KHDRBS2: variants seen among roughly 807,000 people sequenced by gnomAD.
KHDRBS2 encodes the protein KH RNA binding domain containing, signal transduction associated 2, also known as KH domain-containing, RNA-binding, signal transduction-associated protein 2.
In KHDRBS2, 26 loss-of-function variants were observed where a neutral mutation model predicts 44.3. The ratio of observed to expected loss-of-function variants is 0.59; its 90% confidence interval spans 0.43 to 0.81. The LOEUF is 0.81. Ranked by LOEUF, KHDRBS2 falls within the 40% of genes least tolerant of loss-of-function variation. The pLI is 0.00. For synonymous variants in KHDRBS2, 194 were observed against 151.1 expected, an observed-to-expected ratio of 1.28 and a Z score of -2.08; for missense variants, 476 against 433.1, an observed-to-expected ratio of 1.10 and a Z score of -0.88.
At chr6:62,127,004 A>C (rs1040258175) in intron 2 of KHDRBS2, among the ~76,000 whole-genome samples, 1 of 152,180 alleles carries the variant, frequency 6.6e-6, no homozygotes, top group Non-Finnish European at 1.5e-5. Context: ...TAAGTTATTA[A>C]ATAATGCTGC....
chr6:62,110,972 G>C (rs1181373906), intron 2 of KHDRBS2, among the ~76,000 whole-genome samples: 1 of 151,952 alleles, frequency 6.6e-6, no homozygotes, highest in Non-Finnish European at 1.5e-5. Context: ...TTGTTTTTAA[G>C]TATAACAGAC....
intron 6 of KHDRBS2, among the ~76,000 whole-genome samples, chr6:61,893,864 G>A (rs994947715): frequency 4.0e-5 from 6 of 151,772 alleles, no homozygotes; most frequent in Admixed American, 6.6e-5. Flanking sequence ...AAACCTGCAC[G>A]TTGTGCACAT....
At chr6:62,255,282 T>C (rs765870912) in intron 1 of KHDRBS2, among the ~76,000 whole-genome samples, 8 of 152,070 alleles carry the variant, frequency 5.3e-5, no homozygotes, top group African/African-American at 1.9e-4. Flanking sequence ...TTACCAACAC[T>C]AGTTTTGATT....
chr6:61,623,551 C>G, the KHDRBS2 span, among the ~76,000 whole-genome samples: 1 of 152,160 alleles, frequency 6.6e-6, no homozygotes, highest in Non-Finnish European at 1.5e-5. Flanking sequence ...AAACTGGATT[C>G]TGTTGGACCC....
At chr6:61,543,561 A>C in the KHDRBS2 span, among the ~76,000 whole-genome samples, 1 of 152,068 alleles carries the variant, frequency 6.6e-6, no homozygotes, top group South Asian at 2.1e-4. Flanking sequence ...AACTAAAAAC[A>C]GAGCTACCAT....
chr6:62,263,743 C>T (rs1275131675), intron 1 of KHDRBS2, among the ~76,000 whole-genome samples: 2 of 151,660 alleles, frequency 1.3e-5, no homozygotes, highest in African/African-American at 4.8e-5. Context: ...ACTTCATATT[C>T]AATAATTTAT....
At chr6:62,203,115 G>A (rs535018145) in intron 1 of KHDRBS2, among the ~76,000 whole-genome samples, 2 of 152,250 alleles carry the variant, frequency 1.3e-5, no homozygotes, top group South Asian at 4.1e-4. Context: ...GGAGCCAGGG[G>A]AAGCAAGCGT....
At chr6:61,887,765 A>G (rs1000240292) in intron 6 of KHDRBS2, among the ~76,000 whole-genome samples, 7 of 152,296 alleles carry the variant, frequency 4.6e-5, no homozygotes, top group African/African-American at 1.4e-4. Context: ...TTCACCATCA[A>G]CTCAACATGG....
chr6:61,997,751 C>A (rs1416212000), intron 3 of KHDRBS2, among the ~76,000 whole-genome samples: 2 of 152,094 alleles, frequency 1.3e-5, no homozygotes, highest in East Asian at 3.9e-4. Flanking sequence ...TCTCTCAAGG[C>A]CTTGTTCCCT....
intron 2 of KHDRBS2, among the ~76,000 whole-genome samples, chr6:62,127,968 C>G (rs935124597): frequency 2.6e-5 from 4 of 152,130 alleles, no homozygotes; most frequent in African/African-American, 7.2e-5. Context: ...TAGTCAATCA[C>G]TAAGGCTAAA....
At chr6:62,070,762 C>T (rs550457321) in intron 2 of KHDRBS2, among the ~76,000 whole-genome samples, 99 of 152,226 alleles carry the variant, frequency 6.5e-4, no homozygotes, top group Middle Eastern at 3.4e-3. Context: ...GGGTTGGTTC[C>T]AAGTCTTTGC....
At chr6:61,918,518 C>T (rs1394223979) in intron 4 of KHDRBS2, among the ~76,000 whole-genome samples, 1 of 151,924 alleles carries the variant, frequency 6.6e-6, no homozygotes, top group African/African-American at 2.4e-5. Context: ...CTTTCCCTCT[C>T]TCTCTCCACC....
At chr6:61,659,324 C>CCTG in the KHDRBS2 span, among the ~76,000 whole-genome samples, 1 of 151,740 alleles carries the variant, frequency 6.6e-6, no homozygotes, top group African/African-American at 2.4e-5. Flanking sequence ...TCCTGATAAT[C>CCTG]AAGTACTCCT....
chr6:61,608,693 G>A, the KHDRBS2 span, among the ~76,000 whole-genome samples: 1 of 151,854 alleles, frequency 6.6e-6, no homozygotes, highest in African/African-American at 2.4e-5. Context: ...GCAGTGTTTG[G>A]TTTTTTGTTC....
At chr6:62,222,017 C>G (rs1408384198) in intron 1 of KHDRBS2, among the ~76,000 whole-genome samples, 1 of 152,154 alleles carries the variant, frequency 6.6e-6, no homozygotes, top group African/African-American at 2.4e-5. Context: ...CTGGAAACCT[C>G]TGCATATTTG....
intron 6 of KHDRBS2, among the ~76,000 whole-genome samples, chr6:61,735,058 A>T (rs1775113861): frequency 6.8e-6 from 1 of 147,842 alleles, no homozygotes; most frequent in Admixed American, 6.8e-5. Flanking sequence ...AACCTCTATT[A>T]AGAGGTATTT....
At chr6:62,058,808 G>C (rs1013352264) in intron 2 of KHDRBS2, among the ~76,000 whole-genome samples, 4 of 151,688 alleles carry the variant, frequency 2.6e-5, no homozygotes, top group African/African-American at 9.7e-5. Flanking sequence ...AATAGACAAT[G>C]ATGAGTATTG....
the KHDRBS2 span, among the ~76,000 whole-genome samples, chr6:61,570,662 G>A: frequency 6.6e-6 from 1 of 152,202 alleles, no homozygotes; most frequent in South Asian, 2.1e-4. Context: ...TTTAAGAGCT[G>A]TGAGACAAAA....
chr6:61,880,878 C>T (rs1179599850), intron 6 of KHDRBS2, among the ~76,000 whole-genome samples: 1 of 151,906 alleles, frequency 6.6e-6, no homozygotes, highest in Non-Finnish European at 1.5e-5. Context: ...CAAAAAGAAA[C>T]TACTCTGATA....
Sources: allele counts gnomAD v4.1 joint callset (sites outside exome capture counted in the v4.1 genomes callset), GRCh38; gene constraint gnomAD v4.1.1; transcripts MANE v1.5; gene names NCBI Gene and HGNC (gene_info 2026-07-23, HGNC 2026-07-21).